The following SNX29 variants were observed in gnomAD, a reference collection of about 807,000 sequenced individuals.
The protein encoded by SNX29 is sorting nexin-29.
Under a neutral mutation model 102.1 loss-of-function variants are expected in SNX29, and 78 were observed. The observed-to-expected ratio is 0.76, with a 90% CI of 0.64 to 0.92. The LOEUF is 0.92. Ranked by LOEUF, SNX29 falls within the 40% of genes least tolerant of loss-of-function variation. The pLI, the probability that SNX29 is intolerant of heterozygous loss-of-function variation, is 0.00. For missense variants in SNX29, 1,280 were observed against 1,061.7 expected (o/e 1.21, Z -2.86); for synonymous variants, 580 against 414.5 (o/e 1.40, Z -4.85).
intron 13 of SNX29, among the ~76,000 whole-genome samples, chr16:12,148,274 C>T (rs1597044383): frequency 6.6e-6 from 1 of 152,164 alleles, no homozygotes; most frequent in African/African-American, 2.4e-5. Context: ...CCTTTGTTAT[C>T]CATGTTGAAA....
At chr16:12,046,337 A>G (rs1334894207) in intron 5 of SNX29, 47 bp from the exon 6 acceptor site, 1 of 1,596,978 alleles carries the variant, frequency 6.3e-7, no homozygotes, top group Admixed American at 1.7e-5. Context: ...TAATGGACAC[A>G]GAGAACCACT....
chr16:12,553,133 T>C (rs1465153669), intron 20 of SNX29, among the ~76,000 whole-genome samples: 1 of 152,202 alleles, frequency 6.6e-6, no homozygotes, highest in East Asian at 1.9e-4. Flanking sequence ...CTTGGGCTTC[T>C]GGCTCACAGC....
At position 12,572,950 on chromosome 16, in the gene SNX29, A is replaced by C; in HGVS notation, c.*4321A>C. ...TCTTCAAGGCAGGCATCTGCTTATG[A>C]GCAAGGTCAAAGATTTTTCAAAATA... On this transcript the variant is annotated 3_prime_UTR_variant, in exon 21 of 21. Transcript: ENST00000566228. 2 of 686,906 alleles carry C rather than the reference A, an allele frequency of 2.9e-6. No homozygotes were observed. The highest frequency in any genetic ancestry group is 5.5e-5 in the East Asian group (1 of 18,154). 42.6% of individuals were successfully genotyped at this position (686,906 alleles called of 1,614,324 possible).
intron 20 of SNX29, among the ~76,000 whole-genome samples, chr16:12,544,688 G>T (rs1012172187): frequency 6.6e-6 from 1 of 152,170 alleles, no homozygotes; most frequent in Non-Finnish European, 1.5e-5. Flanking sequence ...GCTGTCACTC[G>T]AATTCTCTTC....
chr16:12,177,123 C>T (rs2076278181), intron 13 of SNX29, among the ~76,000 whole-genome samples: 1 of 151,958 alleles, frequency 6.6e-6, no homozygotes. Context: ...AATCATTTTA[C>T]TTTTTGTAGA....
At chr16:12,058,457 C>T (rs550730144) in intron 8 of SNX29, among the ~76,000 whole-genome samples, 1 of 150,634 alleles carries the variant, frequency 6.6e-6, no homozygotes, top group African/African-American at 2.4e-5. Flanking sequence ...GAGGCAGTAG[C>T]CCTTGGGGCC....
chr16:12,572,491 C>T lies in SNX29; in HGVS notation c.*3862C>T, dbSNP rs541620014. ...CCCTGAGGACCAGTTCTTGGGGTTC[C>T]AGGCCTCGGCCTTCCTGCTCCACGT... On this transcript the variant is annotated 3_prime_UTR_variant, in exon 21 of 21. Coordinates refer to ENST00000566228, the MANE Select transcript of SNX29 (RefSeq NM_032167.5). 1.5e-4 allele frequency: 161 copies of T among 1,063,920 alleles called. No homozygotes were observed. Among genetic ancestry groups the T allele is most frequent in the East Asian group, 2.5e-4 (5 of 19,946 alleles). The allele number at this position is 1,063,920 out of a possible 1,614,324, so 65.9% of individuals were successfully genotyped here.
intron 14 of SNX29, among the ~76,000 whole-genome samples, chr16:12,250,957 T>C (rs2078403372): frequency 6.6e-6 from 1 of 152,222 alleles, no homozygotes; most frequent in East Asian, 1.9e-4. Context: ...CTGGGAAGGA[T>C]GGCGAAATAG....
At chr16:12,540,430 C>T (rs182500251) in intron 20 of SNX29, among the ~76,000 whole-genome samples, 3 of 152,340 alleles carry the variant, frequency 2.0e-5, no homozygotes, top group South Asian at 4.1e-4. Flanking sequence ...TATTCTCCAG[C>T]TGCTGTGGAG....
At chr16:12,363,641 T>C (rs1215580333) in intron 16 of SNX29, among the ~76,000 whole-genome samples, 1 of 152,194 alleles carries the variant, frequency 6.6e-6, no homozygotes, top group East Asian at 1.9e-4. Context: ...TCAGTAAATG[T>C]TTGCTACATG....
intron 20 of SNX29, among the ~76,000 whole-genome samples, chr16:12,566,865 G>A (rs930874008): frequency 1.3e-5 from 2 of 152,248 alleles, no homozygotes; most frequent in African/African-American, 4.8e-5. Flanking sequence ...TCCATGCACA[G>A]AAGGCAAAGC....
chr16:12,172,031 G>A (rs549181433), intron 13 of SNX29, among the ~76,000 whole-genome samples: 5 of 152,098 alleles, frequency 3.3e-5, no homozygotes, highest in Non-Finnish European at 7.3e-5. Flanking sequence ...GGTGTTCTAC[G>A]TTACCACTTA....
At chr16:12,567,686 C>T (rs545624209) in intron 20 of SNX29, among the ~76,000 whole-genome samples, 5 of 152,100 alleles carry the variant, frequency 3.3e-5, no homozygotes, top group African/African-American at 7.2e-5. Flanking sequence ...CACTTGAGCC[C>T]AGGAGATCGA....
At chr16:12,014,886 C>T (rs11647700) in intron 3 of SNX29, among the ~76,000 whole-genome samples, 7,855 of 152,142 alleles carry the variant, frequency 0.052, 249 homozygotes, top group Non-Finnish European at 0.074. Context: ...AACCTTCACA[C>T]TTATGGTACC....
chr16:12,454,051 A>C (rs368414989), intron 18 of SNX29, among the ~76,000 whole-genome samples: 3 of 152,184 alleles, frequency 2.0e-5, no homozygotes, highest in Non-Finnish European at 4.4e-5. Context: ...TTGCAGCTAC[A>C]TATGGCCATG....
rs532355585 is a variant in SNX29 at position 12,452,234 on chromosome 16, G to C, written c.2038-25485G>C. On this transcript the variant is annotated intron_variant, in intron 18 of 20. Coordinates refer to ENST00000566228, the MANE Select transcript of SNX29 (RefSeq NM_032167.5). ...TCTTGGCCAGGGGTGGTTTTGTTTT[G>C]TCCCTACGGGGACATTTGGCAATGC... Among the ~76,000 whole-genome samples, 3 of 152,316 alleles carry C rather than the reference G, an allele frequency of 2.0e-5. No homozygotes were observed. In the South Asian group the frequency reaches 6.2e-4, roughly 32 times the overall value.
intron 19 of SNX29, among the ~76,000 whole-genome samples, chr16:12,521,161 C>T (rs918812444): frequency 1.3e-5 from 2 of 152,076 alleles, no homozygotes; most frequent in African/African-American, 4.8e-5. Flanking sequence ...CCCTGGGCGA[C>T]AGAGTGAGAC....
intron 15 of SNX29, among the ~76,000 whole-genome samples, chr16:12,330,863 C>T (rs2081273389): frequency 6.6e-6 from 1 of 152,362 alleles, no homozygotes; most frequent in South Asian, 2.1e-4. Flanking sequence ...AAAAGCTGGT[C>T]TTCCCTGCAC....
Position 12,059,431 on chromosome 16 carries a change from G to A in SNX29, c.1125-2097G>A, listed in dbSNP as rs570481320. On this transcript the variant is annotated intron_variant, in intron 8 of 20. Coordinates refer to ENST00000566228, the MANE Select transcript of SNX29 (RefSeq NM_032167.5). ...AGGTTGGGCTCCTGCCAGGACAGTC[G>A]CGGGAGCGGCTCTTCTTTTGCCCCC... Among the ~76,000 whole-genome samples, 41 of 152,322 alleles carry A rather than the reference G, an allele frequency of 2.7e-4. No homozygotes were observed. In the East Asian group the frequency reaches 5.4e-3, roughly 20 times the overall value.
Sources: gnomAD v4.1 joint callset for allele counts (sites outside exome capture counted in the v4.1 genomes callset) on GRCh38, gnomAD v4.1.1 for gene constraint, MANE v1.5 for transcripts, NCBI Gene and HGNC (gene_info 2026-07-23, HGNC 2026-07-21) for gene names.